Variants in MMP16 observed in about 807,000 individuals in gnomAD.
The protein encoded by MMP16 is matrix metalloproteinase-16.
In MMP16, 12 loss-of-function variants were observed where a neutral mutation model predicts 67.8. The ratio of observed to expected loss-of-function variants is 0.18; its 90% CI spans 0.11 to 0.29. The LOEUF is 0.29. MMP16 is among the 10% of genes least tolerant of loss of function. The probability of loss-of-function intolerance (pLI) is 1.00; values close to 1 mark genes in which losing one functional copy is unlikely to be tolerated. For missense variants in MMP16, 475 were observed against 765.7 expected (o/e 0.62, Z 4.48); for synonymous variants, 249 against 255.9 (o/e 0.97, Z 0.26).
At chr8:88,316,083 G>A (rs1214513330) in intron 1 of MMP16, among the ~76,000 whole-genome samples, 1 of 152,196 alleles carries the variant, frequency 6.6e-6, no homozygotes, top group Non-Finnish European at 1.5e-5. Flanking sequence ...TGAGAGAGGT[G>A]AGGAAGCTGC....
intron 3 of MMP16, among the ~76,000 whole-genome samples, chr8:88,185,457 G>A (rs1044153349): frequency 1.3e-5 from 2 of 151,846 alleles, no homozygotes; most frequent in African/African-American, 2.4e-5. Context: ...AAAAAAAAAC[G>A]TCGCCAAAAT....
At chr8:88,140,340 T>C (rs978368488) in intron 4 of MMP16, among the ~76,000 whole-genome samples, 1 of 152,166 alleles carries the variant, frequency 6.6e-6, no homozygotes, top group Non-Finnish European at 1.5e-5. Context: ...GGGTTAGCTC[T>C]AGTTAGAAAC....
intron 4 of MMP16, among the ~76,000 whole-genome samples, chr8:88,157,829 A>G (rs554690218): frequency 1.1e-3 from 71 of 65,068 alleles, no homozygotes; most frequent in African/African-American, 4.2e-3. Flanking sequence ...CCATCCCCCC[A>G]CCCCATGACA....
At chr8:88,236,395 C>T (rs1410715366) in intron 1 of MMP16, among the ~76,000 whole-genome samples, 1 of 152,190 alleles carries the variant, frequency 6.6e-6, no homozygotes, top group Admixed American at 6.5e-5. Flanking sequence ...CTGCTGATGA[C>T]ATTAGCTGCT....
chr8:88,162,208 C>T (rs1422628689), intron 4 of MMP16, among the ~76,000 whole-genome samples: 1 of 151,862 alleles, frequency 6.6e-6, no homozygotes, highest in Non-Finnish European at 1.5e-5. Flanking sequence ...AGAGACTGCG[C>T]AGTAATCATG....
intron 6 of MMP16, among the ~76,000 whole-genome samples, chr8:88,087,678 T>A (rs1300856990): frequency 6.6e-6 from 1 of 151,646 alleles, no homozygotes; most frequent in Non-Finnish European, 1.5e-5. Context: ...GTGCAGTGGC[T>A]CACTCCTGTA....
intron 7 of MMP16, among the ~76,000 whole-genome samples, chr8:88,060,195 T>C (rs1808379972): frequency 6.6e-6 from 1 of 152,108 alleles, no homozygotes; most frequent in African/African-American, 2.4e-5. Context: ...AAATATCATG[T>C]AAGTGGTTAG....
intron 1 of MMP16, among the ~76,000 whole-genome samples, chr8:88,218,921 T>C (rs1180056878): frequency 6.6e-6 from 1 of 152,102 alleles, no homozygotes; most frequent in Non-Finnish European, 1.5e-5. Context: ...TAGCCCATCG[T>C]TGTCAGATCA....
intron 1 of MMP16, among the ~76,000 whole-genome samples, chr8:88,284,738 T>C (rs188184258): frequency 6.6e-6 from 1 of 152,244 alleles, no homozygotes; most frequent in East Asian, 1.9e-4. Context: ...CACTGCTTCC[T>C]AAAACAATTC....
chr8:88,100,475 C>G (rs920763385), intron 6 of MMP16, among the ~76,000 whole-genome samples: 2 of 151,950 alleles, frequency 1.3e-5, no homozygotes, highest in Non-Finnish European at 2.9e-5. Flanking sequence ...AGTCAGGAAA[C>G]AACAGGTGCT....
chr8:88,148,908 G>A lies in MMP16; in HGVS notation c.709+18761C>T, dbSNP rs2681302. 7.1e-3 allele frequency among the ~76,000 whole-genome samples: 1,086 copies of A among 152,306 alleles called. 19 individuals carry two copies. Among genetic ancestry groups the A allele is most frequent in the African/African-American group, 0.025 (1,026 of 41,578 alleles). ...CCGGTCTACAGCTCCCAGCGTGAGC[G>A]ACGCAGAAGACGGGTGATTTCTGCA... On this transcript the variant is annotated intron_variant, in intron 4 of 9. Transcript: ENST00000286614.
intron 1 of MMP16, among the ~76,000 whole-genome samples, chr8:88,306,929 G>T (rs1563590836): frequency 6.6e-6 from 1 of 152,118 alleles, no homozygotes. Flanking sequence ...TCTGGCCAGG[G>T]CAATCAGGCA....
At chr8:88,149,407 A>G (rs971574333) in intron 4 of MMP16, among the ~76,000 whole-genome samples, 12 of 152,288 alleles carry the variant, frequency 7.9e-5, no homozygotes, top group African/African-American at 2.9e-4. Flanking sequence ...CTCTGGGGGC[A>G]GGGCACAGAC....
At chr8:88,290,877 A>C (rs2073448849) in intron 1 of MMP16, among the ~76,000 whole-genome samples, 1 of 152,334 alleles carries the variant, frequency 6.6e-6, no homozygotes, top group African/African-American at 2.4e-5. Context: ...TGATTTACTC[A>C]TATTTTATTT....
intron 6 of MMP16, among the ~76,000 whole-genome samples, chr8:88,111,465 T>A (rs1809335608): frequency 6.6e-6 from 1 of 151,610 alleles, no homozygotes; most frequent in Non-Finnish European, 1.5e-5. Flanking sequence ...GTGTTTGAAA[T>A]GTTCCAGAAA....
At chr8:88,171,200 T>G (rs1318056106) in intron 3 of MMP16, among the ~76,000 whole-genome samples, 1 of 152,182 alleles carries the variant, frequency 6.6e-6, no homozygotes, top group East Asian at 1.9e-4. Flanking sequence ...TTCAAAGCTA[T>G]GTACTGATTA....
At chr8:88,235,407 A>C (rs113826000) in intron 1 of MMP16, among the ~76,000 whole-genome samples, 2 of 151,744 alleles carry the variant, frequency 1.3e-5, no homozygotes, top group African/African-American at 4.8e-5. Flanking sequence ...AAAAAAAAAA[A>C]ATCAAACTAG....
At position 88,070,487 on chromosome 8, in the gene MMP16, C is replaced by T. The variant is rs868314416; in HGVS notation, c.1222+4118G>A. Among the ~76,000 whole-genome samples, 3 of 152,186 alleles carry T rather than the reference C, an allele frequency of 2.0e-5. 1 individual carries two copies. Among genetic ancestry groups the T allele is most frequent in the Non-Finnish European group, 1.5e-5 (1 of 67,998 alleles). On this transcript the variant is annotated intron_variant, in intron 7 of 9. Transcript: ENST00000286614. ...TTGTTCCCACTGATTGGTTCCTTTT[C>T]TAGATTTGAGTAGTTTCCTTATAGA...
At chr8:88,208,950 C>A (rs763789164) in intron 1 of MMP16, among the ~76,000 whole-genome samples, 1 of 151,714 alleles carries the variant, frequency 6.6e-6, no homozygotes, top group African/African-American at 2.4e-5. Flanking sequence ...GACTTAATAG[C>A]GATGAGTGCA....
Sources: gnomAD v4.1 joint callset for allele counts (sites outside exome capture counted in the v4.1 genomes callset) on GRCh38, gnomAD v4.1.1 for gene constraint, MANE v1.5 for transcripts, NCBI Gene and HGNC (gene_info 2026-07-23, HGNC 2026-07-21) for gene names.